Variants in GNB1L observed in about 807,000 individuals in gnomAD.
The protein encoded by GNB1L is G protein subunit beta 1 like, also known as guanine nucleotide-binding protein subunit beta-like protein 1.
Under a neutral mutation model 29.1 loss-of-function variants are expected in GNB1L, and 20 were observed. The ratio of observed to expected loss-of-function variants is 0.69; its 90% CI spans 0.48 to 1.00. The LOEUF (loss-of-function observed/expected upper bound fraction) is 1.00. Among genes scored for constraint, GNB1L ranks in the 50% least tolerant of loss-of-function variants. The probability of loss-of-function intolerance (pLI) is 0.00; values close to 1 mark genes in which losing one functional copy is unlikely to be tolerated. For synonymous variants in GNB1L, 193 were observed against 206.5 expected (o/e 0.93, Z 0.56); for missense variants, 421 against 464.9 (o/e 0.91, Z 0.87).
At chr22:19,806,943 T>C (rs987715185) in intron 5 of GNB1L, among the ~76,000 whole-genome samples, 186 bp from the exon 6 acceptor site, 5 of 152,176 alleles carry the variant, frequency 3.3e-5, no homozygotes, top group Admixed American at 2.0e-4. Flanking sequence ...CTCTCACTGT[T>C]CCCAGGTCAC....
chr22:19,803,874 G>C (rs943049474), intron 6 of GNB1L, among the ~76,000 whole-genome samples: 1 of 152,208 alleles, frequency 6.6e-6, no homozygotes, highest in Non-Finnish European at 1.5e-5. Context: ...CCTCCTCCCC[G>C]GCACTTTCCT....
chr22:19,802,357 A>G, intron 6 of GNB1L, 141 bp from the exon 7 acceptor site: 1 of 671,020 alleles, frequency 1.5e-6, no homozygotes, highest in South Asian at 1.8e-5. Flanking sequence ...GCCACAGCTC[A>G]GAAGCTCTGC....
rs1938026047 is a variant in GNB1L at position 19,848,816 on chromosome 22, C to T, written c.-21+5627G>A. 4.1e-6 allele frequency: 4 copies of T among 985,388 alleles called. No individual in the cohort carries two copies. In the South Asian group the frequency reaches 1.9e-4, roughly 46 times the overall value. The allele number at this position is 985,388 out of a possible 1,614,324, so 61.0% of individuals were successfully genotyped here. On this transcript the variant is annotated intron_variant, in intron 2 of 7. Transcript: ENST00000329517. ...AGGGTTCAAAAGAGAAGGCAGCAATCCCAGGCTGGAGTATCCACTTCAGGT... is the reference window on the plus strand; with the variant it reads ...AGGGTTCAAAAGAGAAGGCAGCAATTCCAGGCTGGAGTATCCACTTCAGGT...
At chr22:19,847,803 GCAA>G (rs888417016) in intron 2 of GNB1L, 25 of 440,422 alleles carry the variant, frequency 5.7e-5, no homozygotes, top group Middle Eastern at 1.2e-3. Flanking sequence ...GGAATCATAG[GCAA>G]AAAAAAAAAA....
chr22:19,821,138 G>A, intron 3 of GNB1L, 90 bp downstream of exon 3: 4 of 1,339,316 alleles, frequency 3.0e-6, no homozygotes, highest in African/African-American at 1.4e-5. Flanking sequence ...CCCTTGGCCA[G>A]CACCCTCAAA....
intron 2 of GNB1L, chr22:19,852,378 C>A: frequency 9.0e-7 from 1 of 1,112,598 alleles, no homozygotes; most frequent in Non-Finnish European, 1.3e-6. Flanking sequence ...CGTGGCAGAC[C>A]CGCACTGGTC....
At chr22:19,837,814 A>C (rs914835990) in intron 2 of GNB1L, among the ~76,000 whole-genome samples, 4 of 152,266 alleles carry the variant, frequency 2.6e-5, no homozygotes, top group African/African-American at 9.6e-5. Context: ...TACATGCTTT[A>C]ATGTGAATAA....
chr22:19,809,536 A>C (rs1441225946), intron 5 of GNB1L, among the ~76,000 whole-genome samples: 1 of 152,190 alleles, frequency 6.6e-6, no homozygotes, highest in Non-Finnish European at 1.5e-5. Context: ...TGACTAATAC[A>C]AGCCACCTAT....
chr22:19,807,847 T>G (rs1937453999), intron 5 of GNB1L, among the ~76,000 whole-genome samples: 1 of 152,178 alleles, frequency 6.6e-6, no homozygotes, highest in Admixed American at 6.5e-5. Flanking sequence ...CCACACAGAA[T>G]AGGCCCGGGA....
At chr22:19,814,905 G>A (rs1937519000) in intron 4 of GNB1L, among the ~76,000 whole-genome samples, 5 of 152,020 alleles carry the variant, frequency 3.3e-5, no homozygotes, top group Admixed American at 1.3e-4. Context: ...GCTTGGTGGC[G>A]TGCACCTGCA....
intron 2 of GNB1L, chr22:19,850,114 C>G (rs908239458): frequency 4.1e-5 from 40 of 985,522 alleles, no homozygotes; most frequent in Non-Finnish European, 4.1e-5. Context: ...CCCTTGGACC[C>G]TCAAAGCCCC....
chr22:19,806,858 T>C, intron 5 of GNB1L, 101 bp from the exon 6 acceptor site: 1 of 864,736 alleles, frequency 1.2e-6, no homozygotes. Flanking sequence ...TGCTGTGAGT[T>C]TCTGTCTGCT....
rs777592311 is a variant in GNB1L, at chr22:19,788,805, G to A, written c.888C>T (p.Ala296=). Residue 296 remains alanine, a synonymous_variant, in exon 8 of 8, where the codon GCC becomes GCT. Coordinates refer to ENST00000329517, the MANE Select transcript of GNB1L (RefSeq NM_053004.3). ...CGGTGAAGGCCACGCACTGGACAGC[G>A]GCGCTGTGGAAGGCCAGCACGGCCA... ...QPLAVLAFHS[A]AVQCVAFTAD... 65 of 1,612,504 alleles carry A rather than the reference G, an allele frequency of 4.0e-5. No homozygotes were observed. Among genetic ancestry groups the A allele is most frequent in the Admixed American group, 3.0e-4 (18 of 59,978 alleles).
Position 19,802,121 on chromosome 22 carries a change from G to C in GNB1L, c.612C>G (p.Ile204Met), listed in dbSNP as rs778824018. ...DVSEQKVCSR[I>M]ACHEEPVMDL... ...CCATGACGGGCTCCTCATGGCAGGC[G>C]ATGCGGCTGCACACCTTCTGCTCAG... is the stretch of plus-strand genomic sequence containing the variant. The change falls in exon 7 of 8, where the codon ATC becomes ATG. Residue 204 changes from isoleucine (I) to methionine (M), a missense_variant. By Grantham distance (10) the Ile-to-Met change is conservative. Transcript: ENST00000329517. 3 of 1,613,242 alleles carry C rather than the reference G, an allele frequency of 1.9e-6. No individual in the cohort carries two copies. Among genetic ancestry groups the C allele is most frequent in the Non-Finnish European group, 2.5e-6 (3 of 1,179,992 alleles).
At chr22:19,798,196 C>T (rs568404257) in intron 7 of GNB1L, among the ~76,000 whole-genome samples, 9 of 152,300 alleles carry the variant, frequency 5.9e-5, no homozygotes, top group African/African-American at 2.2e-4. Context: ...GCACCTGCTG[C>T]GCAGGGCCGT....
intron 2 of GNB1L, among the ~76,000 whole-genome samples, chr22:19,841,039 G>A (rs1937852219): frequency 6.6e-6 from 1 of 152,222 alleles, no homozygotes; most frequent in African/African-American, 2.4e-5. Flanking sequence ...TGGGGAGACA[G>A]GAGAGCAAAC....
intron 4 of GNB1L, among the ~76,000 whole-genome samples, chr22:19,817,938 T>C (rs1937545099): frequency 6.6e-6 from 1 of 152,226 alleles, no homozygotes. Flanking sequence ...CACAGGTGTG[T>C]CCTTGGCATG....
chr22:19,852,223 A>G lies in GNB1L; in HGVS notation c.-21+2220T>C, dbSNP rs975879089. 17 of 1,612,662 alleles carry G rather than the reference A, an allele frequency of 1.1e-5. No individual in the cohort carries two copies. The African/African-American group carries it at 2.1e-4, about 20-fold the overall frequency. ...CATAATTGGCGGCTGCCCAGATGGGAATGCGAGGGCCCTGCTGACGGCACC... is the reference window on the plus strand; with the variant it reads ...CATAATTGGCGGCTGCCCAGATGGGGATGCGAGGGCCCTGCTGACGGCACC... On this transcript the variant is annotated intron_variant, in intron 2 of 7. Coordinates refer to ENST00000329517, the MANE Select transcript of GNB1L (RefSeq NM_053004.3).
intron 2 of GNB1L, among the ~76,000 whole-genome samples, chr22:19,843,556 C>T (rs905966446): frequency 6.6e-6 from 1 of 152,314 alleles, no homozygotes; most frequent in South Asian, 2.1e-4. Context: ...AAGGTATGCC[C>T]CCCAAGAACT....
Sources: allele counts gnomAD v4.1 joint callset (sites outside exome capture counted in the v4.1 genomes callset), GRCh38; gene constraint gnomAD v4.1.1; transcripts MANE v1.5; gene names NCBI Gene and HGNC (gene_info 2026-07-23, HGNC 2026-07-21).